Variants in MUC12 observed in about 807,000 individuals in gnomAD.
MUC12 encodes the protein mucin 12, cell surface associated.
MUC12 carries 172 observed loss-of-function variants against 230.8 expected under a neutral mutation model. The observed-to-expected ratio is 0.75, with a 90% CI of 0.66 to 0.85. The LOEUF (loss-of-function observed/expected upper bound fraction) is 0.85, where lower values mean the gene tolerates loss of function less well. Ranked by LOEUF, MUC12 falls within the 40% of genes least tolerant of loss-of-function variation. The pLI is 0.00. For missense variants in MUC12, 3,506 were observed against 5,920.6 expected (o/e 0.59, Z 13.38); for synonymous variants, 1,259 against 2,401.9 (o/e 0.52, Z 13.91).
chr7:101,011,150 A>G (rs1218477327), intron 5 of MUC12, among the ~76,000 whole-genome samples: 1 of 152,094 alleles, frequency 6.6e-6, no homozygotes, highest in African/African-American at 2.4e-5. Context: ...AAAGAGGCAG[A>G]TAGAGGGGTG....
chr7:101,003,470 G>C lies in MUC12; in HGVS notation c.12907G>C (p.Val4303Leu), dbSNP rs536228269. The C allele has an allele frequency of 2.7e-5, 37 of 1,362,008 alleles. 2 individuals are homozygous for C. In the East Asian group the frequency reaches 7.9e-4, roughly 29 times the overall value. 84.4% of individuals were successfully genotyped at this position (1,362,008 alleles called of 1,614,324 possible). The change falls in exon 2 of 12, where the codon GTC becomes CTC. Residue 4303 changes from valine to leucine, a missense_variant. Physicochemically the swap from Val to Leu is conservative, Grantham distance 32. Transcript: ENST00000536621. ...ASGLLEASTP[V>L]HSSTGSPHTT... ...AGGCCTCCTTGAAGCATCTACACCCGTCCACAGCAGCACTGGATCGCCACA... is the reference window on the plus strand; with the variant it reads ...AGGCCTCCTTGAAGCATCTACACCCCTCCACAGCAGCACTGGATCGCCACA...
chr7:101,009,330 A>G (rs1461823079), intron 5 of MUC12, among the ~76,000 whole-genome samples, 171 bp downstream of exon 5: 1 of 152,154 alleles, frequency 6.6e-6, no homozygotes, highest in Non-Finnish European at 1.5e-5. Context: ...TCATTCATTC[A>G]TCCACTCAAC....
At chr7:100,986,252 C>T (rs1223660024) in intron 1 of MUC12, among the ~76,000 whole-genome samples, 1 of 151,974 alleles carries the variant, frequency 6.6e-6, no homozygotes, top group Non-Finnish European at 1.5e-5. Context: ...GTAGCCCCAA[C>T]GATTTGGGAG....
At position 101,013,026 on chromosome 7, in the gene MUC12, T is replaced by G. The variant is rs751804399; in HGVS notation, c.15522T>G (p.Tyr5174Ter). Residue 5174 changes from tyrosine (Y) to a stop codon, truncating the protein, a stop_gained, in exon 8 of 12, where the codon TAT becomes TAG. Coordinates refer to ENST00000536621, the MANE Select transcript of MUC12 (RefSeq NM_001164462.2). LOFTEE classifies it high-confidence loss of function. The part of the protein sequence containing the change: ...KAAEGYTQFY[Y>*]VDVLDGKLAC... ...CCGAAGGATATACCCAGTTCTACTA[T>G]GTGGATGTCTTGGATGGGAAGCTGG... The G allele has an allele frequency of 2.0e-6, 3 of 1,537,348 alleles. No individual in the cohort carries two copies. In the South Asian group the frequency reaches 3.6e-5, roughly 18 times the overall value.
chr7:100,970,203 G>C (rs1432179122), intron 1 of MUC12, among the ~76,000 whole-genome samples: 2 of 152,304 alleles, frequency 1.3e-5, no homozygotes, highest in African/African-American at 4.8e-5. Context: ...AATGGCTGAC[G>C]GGGCCAGGCG....
Position 100,992,506 on chromosome 7 carries a change from C to A in MUC12, c.1943C>A (p.Pro648His), listed in dbSNP as rs1426039867. 1.3e-6 allele frequency: 2 copies of A among 1,537,800 alleles called. No homozygotes were observed. Among genetic ancestry groups the A allele is most frequent in the African/African-American group, 1.4e-5 (1 of 73,044 alleles). The change falls in exon 2 of 12, where the codon CCT (proline) becomes CAT (histidine). Residue 648 changes from proline (P) to histidine (H), a missense_variant. Coordinates refer to ENST00000536621, the MANE Select transcript of MUC12 (RefSeq NM_001164462.2). ...PSSKDTRPAP[P>H]TTTSAFVEPS... is the part of the protein sequence containing the mutation. ...TCAAAGGACACTAGGCCTGCACCTC[C>A]TACTACCACATCAGCCTTTGTTGAG...
chr7:100,979,757 C>G (rs1034611304), intron 1 of MUC12, among the ~76,000 whole-genome samples: 1 of 150,782 alleles, frequency 6.6e-6, no homozygotes, highest in African/African-American at 2.4e-5. Context: ...GCCTGGGTAA[C>G]AGAGCAAGAC....
chr7:100,973,031 G>A, intron 1 of MUC12: 1 of 702,960 alleles, frequency 1.4e-6, no homozygotes, highest in Non-Finnish European at 2.6e-6. Context: ...GCTGGGGAGA[G>A]TGTGGTGGTG....
chr7:100,986,823 C>CG (rs1166900123), intron 1 of MUC12, among the ~76,000 whole-genome samples: 9 of 152,168 alleles, frequency 5.9e-5, no homozygotes, highest in Non-Finnish European at 1.0e-4. Flanking sequence ...ACCCTGTCCT[C>CG]TCAAGGAAGT....
In MUC12 at chr7:101,014,037, A is replaced by G; in HGVS notation, c.15763A>G (p.Ile5255Val). 1 of 1,536,652 alleles carries G rather than the reference A, an allele frequency of 6.5e-7. No homozygotes were observed. The highest frequency in any genetic ancestry group is 8.7e-7 in the Non-Finnish European group (1 of 1,146,664). Residue 5255 changes from isoleucine to valine, a missense_variant, in exon 9 of 12, where the codon ATC (isoleucine) becomes GTC (valine). Transcript: ENST00000536621. ...AVLLLALIIL[I>V]ILFSLSQRKR... is the part of the protein sequence containing the mutation. ...GCTGCTGCTCGCATTGATCATCCTAATCATCTTATTCAGCCTATCCCAGAG... is the reference window on the plus strand; with the variant it reads ...GCTGCTGCTCGCATTGATCATCCTAGTCATCTTATTCAGCCTATCCCAGAG...
In MUC12 at chr7:100,991,799, C is replaced by T. The variant is rs369770446; in HGVS notation, c.1236C>T (p.Tyr412=). ...CAGCTGCCCTAGCACATACAAGCTA[C>T]CACAGCAGCCTGGGCTCAACTGAAA... ...STTAALAHTS[Y]HSSLGSTETT... is the part of the protein sequence containing the mutation. The change falls in exon 2 of 12, where the codon TAC becomes TAT. Residue 412 remains tyrosine, a synonymous_variant. Coordinates refer to ENST00000536621, the MANE Select transcript of MUC12 (RefSeq NM_001164462.2). The T allele has an allele frequency of 5.9e-6, 9 of 1,537,830 alleles. No individual in the cohort carries two copies. The highest frequency in any genetic ancestry group is 4.1e-5 in the African/African-American group (3 of 73,044).
Position 101,012,962 on chromosome 7 carries a change from C to G in MUC12, c.15476-18C>G, listed in dbSNP as rs767501084. 6.5e-7 allele frequency: 1 copy of G among 1,537,226 alleles called. No homozygotes were observed. Among genetic ancestry groups the G allele is most frequent in the South Asian group, 1.2e-5 (1 of 84,052 alleles). ...GCTTTGGCCAGGCTCATGCATGCTG[C>G]CCGCCCCTCTCCCTCAGAGCAATGC... On this transcript the variant is annotated intron_variant, in intron 7 of 11. Coordinates refer to ENST00000536621, the MANE Select transcript of MUC12 (RefSeq NM_001164462.2).
At position 101,004,902 on chromosome 7, in the gene MUC12, C is replaced by T. The variant is rs754318881; in HGVS notation, c.14339C>T (p.Ala4780Val). Residue 4780 changes from alanine to valine, a missense_variant, in exon 2 of 12, where the codon GCG becomes GTG. Coordinates refer to ENST00000536621, the MANE Select transcript of MUC12 (RefSeq NM_001164462.2). ...YSQAESTHTT[A>V]FPASTTTSGL... is the part of the protein sequence containing the mutation. ...CAAGCAGAGTCAACACACACAACAG[C>T]GTTCCCTGCCAGCACCACCACCTCA... is the stretch of plus-strand genomic sequence containing the variant. The T allele has an allele frequency of 2.1e-5, 33 of 1,537,672 alleles. 1 individual carries two copies. Among genetic ancestry groups the T allele is most frequent in the Middle Eastern group, 3.3e-4 (2 of 6,014 alleles).
chr7:100,991,953 G>C lies in MUC12; in HGVS notation c.1390G>C (p.Asp464His). The change falls in exon 2 of 12, where the codon GAC becomes CAC. Residue 464 changes from aspartate to histidine, a missense_variant. Transcript: ENST00000536621. ...AGSTPSVLVG[D>H]STPSPISSGS... is the part of the protein sequence containing the mutation. ...CTCTACACCCTCAGTTCTTGTTGGA[G>C]ACTCGACGCCCTCACCCATCAGTTC... 1.3e-6 allele frequency: 2 copies of C among 1,537,880 alleles called. No homozygotes were observed. The highest frequency in any genetic ancestry group is 1.7e-6 in the Non-Finnish European group (2 of 1,147,056).
chr7:100,993,395 C>T lies in MUC12; in HGVS notation c.2832C>T (p.Ser944=). The change falls in exon 2 of 12, where the codon TCC becomes TCT. Residue 944 remains serine (S), a synonymous_variant. Transcript: ENST00000536621. ...ESTTFHSNPG[S]THTTLFPDST... ...CAACCTTCCACAGCAACCCAGGCTCCACTCACACAACACTCTTCCCTGACA... is the reference window on the plus strand; with the variant it reads ...CAACCTTCCACAGCAACCCAGGCTCTACTCACACAACACTCTTCCCTGACA... The T allele has an allele frequency of 7.8e-6, 8 of 1,024,942 alleles. 2 individuals carry two copies. Among genetic ancestry groups the T allele is most frequent in the Non-Finnish European group, 1.1e-5 (8 of 760,966 alleles). 63.5% of individuals were successfully genotyped at this position (1,024,942 alleles called of 1,614,324 possible).
At chr7:100,975,824 G>T (rs1474209500) in intron 1 of MUC12, among the ~76,000 whole-genome samples, 3 of 152,308 alleles carry the variant, frequency 2.0e-5, no homozygotes, top group Admixed American at 2.0e-4. Flanking sequence ...CAGAGCTAGG[G>T]AGAGAATTGG....
chr7:100,969,708 A>G lies in MUC12; in HGVS notation c.67+19A>G, dbSNP rs1792807747. The G allele has an allele frequency of 2.0e-6, 3 of 1,537,272 alleles. No individual in the cohort carries two copies. Among genetic ancestry groups the G allele is most frequent in the Non-Finnish European group, 2.6e-6 (3 of 1,146,900 alleles). On this transcript the variant is annotated intron_variant, in intron 1 of 11. Coordinates refer to ENST00000536621, the MANE Select transcript of MUC12 (RefSeq NM_001164462.2). ...ACACCAGGTGAGTGCTCCTGGGCTG[A>G]TGCTCCAGGTCCAGTGCTCCTGGGT...
Position 101,004,473 on chromosome 7 carries a change from C to G in MUC12, c.13910C>G (p.Thr4637Arg), listed in dbSNP as rs1158989559. ...GAATCAAGAACTTCCCACAGCAGCA[C>G]AACACACACAATATCTTCACCTCCT... is the stretch of plus-strand genomic sequence containing the variant. ...SEESRTSHSSTTHTISSPPST... is the reference protein window; with the variant it reads ...SEESRTSHSSRTHTISSPPST... The change falls in exon 2 of 12, where the codon ACA becomes AGA. Residue 4637 changes from threonine to arginine, a missense_variant. Thr to Arg is a moderately conservative substitution (Grantham distance 71). Transcript: ENST00000536621. The G allele has an allele frequency of 4.6e-6, 7 of 1,531,298 alleles. No homozygotes were observed. Among genetic ancestry groups the G allele is most frequent in the African/African-American group, 1.4e-5 (1 of 70,814 alleles). The allele number at this position is 1,531,298 out of a possible 1,614,324, so 94.9% of individuals were successfully genotyped here. A position where few individuals can be genotyped will look rare whatever the true frequency, so the allele number is the denominator to read the frequency against.
intron 1 of MUC12, among the ~76,000 whole-genome samples, chr7:100,986,530 T>G (rs1183347523): frequency 6.6e-6 from 1 of 152,184 alleles, no homozygotes; most frequent in East Asian, 1.9e-4. Context: ...TTAGGCATCA[T>G]TGCCTTTCAC....
Sources: allele counts gnomAD v4.1 joint callset (sites outside exome capture counted in the v4.1 genomes callset), GRCh38; gene constraint gnomAD v4.1.1; transcripts MANE v1.5; gene names NCBI Gene and HGNC (gene_info 2026-07-23, HGNC 2026-07-21).